Variants in FAM241A observed in about 807,000 individuals in gnomAD.
The protein encoded by FAM241A is family with sequence similarity 241 member A, also known as uncharacterized protein FAM241A.
Under a neutral mutation model 12.2 loss-of-function variants are expected in FAM241A, and 7 were observed. The observed-to-expected ratio is 0.58, with a 90% CI of 0.33 to 1.08. FAM241A has a LOEUF of 1.08. Among genes scored for constraint, FAM241A ranks in the 50% least tolerant of loss-of-function variants. The pLI, the probability that FAM241A is intolerant of heterozygous loss-of-function variation, is 0.04. For synonymous variants in FAM241A, 74 were observed against 68.2 expected (o/e 1.08, Z -0.42); for missense variants, 161 against 169.7 (o/e 0.95, Z 0.29).
intron 1 of FAM241A, among the ~76,000 whole-genome samples, chr4:112,150,282 T>C (rs1342734283): frequency 1.3e-5 from 2 of 152,164 alleles, no homozygotes; most frequent in Admixed American, 6.5e-5. Context: ...GTTGGTATTA[T>C]GAAAAGGATT....
Position 112,195,137 on chromosome 4 carries a change from C to T in FAM241A, c.*8199C>T, listed in dbSNP as rs1724244039. ...GAGCAGAAATTCTCAAGTATCGAAG[C>T]GTGGTGTTTTAGGCTCCAGAAGAAA... is the stretch of plus-strand genomic sequence containing the variant. On this transcript the variant is annotated 3_prime_UTR_variant, in exon 2 of 2. Transcript: ENST00000309733. 1 of 152,204 alleles carries T rather than the reference C, an allele frequency of 6.6e-6. No individual in the cohort carries two copies. The allele number at this position is 152,204 out of a possible 1,614,324, so 9.4% of individuals were successfully genotyped here.
intron 1 of FAM241A, among the ~76,000 whole-genome samples, chr4:112,170,978 A>G (rs1207124090): frequency 6.6e-6 from 1 of 151,740 alleles, no homozygotes; most frequent in East Asian, 1.9e-4. Flanking sequence ...GGGGGTAGGA[A>G]TGGGATTAAA....
intron 1 of FAM241A, among the ~76,000 whole-genome samples, chr4:112,179,914 G>GAGAT (rs1479640205): frequency 1.2e-4 from 14 of 117,770 alleles, no homozygotes; most frequent in African/African-American, 3.8e-4. Flanking sequence ...AAGAAAATGT[G>GAGAT]ATATATATAT....
intron 1 of FAM241A, among the ~76,000 whole-genome samples, chr4:112,161,168 A>G (rs1424536200): frequency 6.6e-6 from 1 of 152,256 alleles, no homozygotes; most frequent in Admixed American, 6.5e-5. Context: ...AGCAGTGTGT[A>G]GAGGGAAATT....
chr4:112,178,219 T>TGAACCAGAGAACCAGAGAACCAGAAC (rs1271112740), intron 1 of FAM241A, among the ~76,000 whole-genome samples: 1 of 152,178 alleles, frequency 6.6e-6, no homozygotes, highest in African/African-American at 2.4e-5. Context: ...AACCAGAGAA[T>TGAACCAGAGAACCAGAGAACCAGAAC]ATGATATCTT....
At chr4:112,183,139 A>C (rs907912823) in intron 1 of FAM241A, among the ~76,000 whole-genome samples, 9 of 151,796 alleles carry the variant, frequency 5.9e-5, no homozygotes, top group African/African-American at 2.2e-4. Flanking sequence ...TTTTTTTTTA[A>C]ACTTTTTTCT....
intron 1 of FAM241A, among the ~76,000 whole-genome samples, chr4:112,158,194 T>G (rs1319555259): frequency 6.6e-6 from 1 of 152,122 alleles, no homozygotes; most frequent in Admixed American, 6.5e-5. Context: ...TAATATTTTC[T>G]TCTTGGAGTT....
intron 1 of FAM241A, among the ~76,000 whole-genome samples, chr4:112,148,464 A>G (rs928984474): frequency 7.2e-5 from 11 of 152,296 alleles, no homozygotes; most frequent in Non-Finnish European, 1.3e-4. Flanking sequence ...TTGAGCAAAA[A>G]ATGAAGGTTC....
chr4:112,186,822 C>G lies in FAM241A; in HGVS notation c.283C>G (p.Arg95Gly). 1.2e-6 allele frequency: 2 copies of G among 1,613,904 alleles called. No homozygotes were observed. Among genetic ancestry groups the G allele is most frequent in the Non-Finnish European group, 1.7e-6 (2 of 1,179,954 alleles). The change falls in exon 2 of 2, where the codon CGA (arginine) becomes GGA (glycine). Residue 95 changes from arginine (R) to glycine (G), a missense_variant. Coordinates refer to ENST00000309733, the MANE Select transcript of FAM241A (RefSeq NM_152400.3). ...CTTCACAAGGATGTATTTTGGAGAACGAATAGTGGAACCAGTAATAGTCAT... is the reference window on the plus strand; with the variant it reads ...CTTCACAAGGATGTATTTTGGAGAAGGAATAGTGGAACCAGTAATAGTCAT... ...MGFTRMYFGE[R>G]IVEPVIVIFF...
intron 1 of FAM241A, among the ~76,000 whole-genome samples, chr4:112,149,197 G>C (rs1387078860): frequency 6.6e-6 from 1 of 151,588 alleles, no homozygotes; most frequent in Admixed American, 6.6e-5. Context: ...TTTGAGATAG[G>C]GTTTTGCTAT....
intron 1 of FAM241A, among the ~76,000 whole-genome samples, chr4:112,167,322 A>G (rs1723620067): frequency 6.6e-6 from 1 of 152,174 alleles, no homozygotes. Context: ...AACTAAACTC[A>G]GAAGGGAATG....
rs1479640205 is a variant in FAM241A at position 112,179,914 on chromosome 4, G to GACATATATATATATATATATATAT, written c.154-6778_154-6777insCATATATATATATATATATATATA. Among the ~76,000 whole-genome samples the GACATATATATATATATATATATAT allele has an allele frequency of 2.1e-3, 243 of 117,636 alleles. 8 individuals are homozygous for GACATATATATATATATATATATAT. Among genetic ancestry groups the GACATATATATATATATATATATAT allele is most frequent in the South Asian group, 4.1e-3 (15 of 3,686 alleles). The allele number at this position is 117,636 out of a possible 152,430, so 77.2% of individuals were successfully genotyped here. A position where few individuals can be genotyped will look rare whatever the true frequency, so the allele number is the denominator to read the frequency against. On this transcript the variant is annotated intron_variant, in intron 1 of 1. Transcript: ENST00000309733. ...ATGGTGGATTGCATAAAGAAAATGTGATATATATATATATATATATATATG... is the reference window on the plus strand; with the variant it reads ...ATGGTGGATTGCATAAAGAAAATGTGACATATATATATATATATATATATATATATATATATATATATATATATG...
Position 112,190,312 on chromosome 4 carries a change from ATG to A in FAM241A, c.*3376_*3377del, listed in dbSNP as rs1724139522. 1 of 152,150 alleles carries A rather than the reference ATG, an allele frequency of 6.6e-6. No individual in the cohort carries two copies. Among genetic ancestry groups the A allele is most frequent in the South Asian group, 2.1e-4 (1 of 4,834 alleles). The allele number at this position is 152,150 out of a possible 1,614,324, so 9.4% of individuals were successfully genotyped here. A position where few individuals can be genotyped will look rare whatever the true frequency, so the allele number is the denominator to read the frequency against. ...GATTGTTTTAATAGTTATTTTACAA[ATG>A]TTTATTAATTTCAGGTGTTTAAAAT... On this transcript the variant is annotated 3_prime_UTR_variant, in exon 2 of 2. Coordinates refer to ENST00000309733, the MANE Select transcript of FAM241A (RefSeq NM_152400.3).
chr4:112,154,229 T>C (rs928714595), intron 1 of FAM241A, among the ~76,000 whole-genome samples: 1 of 152,154 alleles, frequency 6.6e-6, no homozygotes, highest in Non-Finnish European at 1.5e-5. Flanking sequence ...TTTTGACTAC[T>C]TTTTTCCCCT....
intron 1 of FAM241A, among the ~76,000 whole-genome samples, chr4:112,183,658 A>G (rs931755208): frequency 5.9e-5 from 9 of 152,084 alleles, no homozygotes; most frequent in Non-Finnish European, 1.0e-4. Flanking sequence ...CCAAAGTACA[A>G]TGAGTGCATA....
At chr4:112,179,943 A>ATGTGTGTG (rs35177969) in intron 1 of FAM241A, among the ~76,000 whole-genome samples, 6 of 129,510 alleles carry the variant, frequency 4.6e-5, no homozygotes, top group African/African-American at 1.7e-4. Flanking sequence ...ATATATGTAT[A>ATGTGTGTG]TGTGTGTGTG....
At chr4:112,159,060 A>G (rs1167324435) in intron 1 of FAM241A, among the ~76,000 whole-genome samples, 1 of 152,198 alleles carries the variant, frequency 6.6e-6, no homozygotes, top group Non-Finnish European at 1.5e-5. Flanking sequence ...ATGAATGAGA[A>G]CTTGCAATAT....
chr4:112,186,806 G>A lies in FAM241A; in HGVS notation c.267G>A (p.Arg89=). The change falls in exon 2 of 2, where the codon AGG becomes AGA. Residue 89 remains arginine (R), a synonymous_variant. Coordinates refer to ENST00000309733, the MANE Select transcript of FAM241A (RefSeq NM_152400.3). The stretch of plus-strand genomic sequence containing the variant: ...ACCTTATCAACATGGGCTTCACAAG[G>A]ATGTATTTTGGAGAACGAATAGTGG... ...NKNLINMGFT[R]MYFGERIVEP... The A allele has an allele frequency of 3.7e-6, 6 of 1,614,008 alleles. No homozygotes were observed. Among genetic ancestry groups the A allele is most frequent in the Non-Finnish European group, 5.1e-6 (6 of 1,179,984 alleles).
rs145301828 is a variant in FAM241A, at chr4:112,187,884, T to C, written c.*946T>C. ...TTCACAAAAAATTTGTATTTTACTG[T>C]TGTTTTCAGGAAAAAAATCAGATCA... On this transcript the variant is annotated 3_prime_UTR_variant, in exon 2 of 2. Transcript: ENST00000309733. 1.7e-4 allele frequency: 26 copies of C among 151,856 alleles called. No individual in the cohort carries two copies. Among genetic ancestry groups the C allele is most frequent in the African/African-American group, 5.8e-4 (24 of 41,348 alleles). The allele number at this position is 151,856 out of a possible 1,614,324, so 9.4% of individuals were successfully genotyped here. A position where few individuals can be genotyped will look rare whatever the true frequency, so the allele number is the denominator to read the frequency against.
Sources: gnomAD v4.1 joint callset for allele counts (sites outside exome capture counted in the v4.1 genomes callset) on GRCh38, gnomAD v4.1.1 for gene constraint, MANE v1.5 for transcripts, NCBI Gene and HGNC (gene_info 2026-07-23, HGNC 2026-07-21) for gene names.